The following CLCN7 variants were observed in gnomAD, a reference collection of about 807,000 sequenced individuals.
The protein encoded by CLCN7 is H(+)/Cl(-) exchange transporter 7.
In CLCN7, 60 loss-of-function variants were observed where a neutral mutation model predicts 102.1. The ratio of observed to expected loss-of-function variants is 0.59; its 90% confidence interval spans 0.48 to 0.73. The LOEUF (loss-of-function observed/expected upper bound fraction) is 0.73, where lower values mean the gene tolerates loss of function less well. CLCN7 is among the 30% of genes least tolerant of loss of function. The pLI, the probability that CLCN7 is intolerant of heterozygous loss-of-function variation, is 0.00. For synonymous variants in CLCN7, 560 were observed against 490.5 expected, an observed-to-expected ratio of 1.14 and a Z score of -1.87; for missense variants, 962 against 1,125.7, an observed-to-expected ratio of 0.85 and a Z score of 2.08.
intron 1 of CLCN7, among the ~76,000 whole-genome samples, chr16:1,470,962 C>T (rs1435554389): frequency 6.6e-6 from 1 of 152,236 alleles, no homozygotes; most frequent in Non-Finnish European, 1.5e-5. Flanking sequence ...GCTCCAGCCG[C>T]TTTCCCTCTC....
At chr16:1,466,983 C>T (rs1228799700) in intron 1 of CLCN7, among the ~76,000 whole-genome samples, 1 of 148,928 alleles carries the variant, frequency 6.7e-6, no homozygotes, top group Admixed American at 6.7e-5. Flanking sequence ...CACTGCCCTC[C>T]AGGGACCCCT....
intron 1 of CLCN7, among the ~76,000 whole-genome samples, chr16:1,472,938 G>GTT (rs71391167): frequency 3.2e-4 from 44 of 136,546 alleles, no homozygotes; most frequent in African/African-American, 8.9e-4. Context: ...GGCTAATTTT[G>GTT]TTTTTTTTTT....
At position 1,455,713 on chromosome 16, in the gene CLCN7, C is replaced by G; in HGVS notation, c.981+18G>C. The G allele has an allele frequency of 1.2e-6, 2 of 1,612,832 alleles. No homozygotes were observed. Among genetic ancestry groups the G allele is most frequent in the Non-Finnish European group, 1.7e-6 (2 of 1,179,154 alleles). On this transcript the variant is annotated intron_variant, in intron 11 of 24. Coordinates refer to ENST00000382745, the MANE Select transcript of CLCN7 (RefSeq NM_001287.6). ...AGCATGCACCCTGATCAGGAGGCAG[C>G]CATCAGCAGGAACTTACGATCCTCC...
In CLCN7 at chr16:1,461,656, G is replaced by T; in HGVS notation, c.232C>A (p.Pro78Thr). 6.2e-7 allele frequency: 1 copy of T among 1,614,090 alleles called. No homozygotes were observed. The highest frequency in any genetic ancestry group is 8.5e-7 in the Non-Finnish European group (1 of 1,180,000). Residue 78 changes from proline to threonine, a missense_variant, in exon 3 of 25, where the codon CCC becomes ACC. Coordinates refer to ENST00000382745, the MANE Select transcript of CLCN7 (RefSeq NM_001287.6). Reference protein sequence around the residue: ...LLDPDMDPPHPFPKEIPHNEK... With the variant: ...LLDPDMDPPHTFPKEIPHNEK... ...TTGTGTGGGATCTCCTTGGGGAAGG[G>T]ATGTGGAGGGTCCATATCCTGTGGC...
chr16:1,465,120 G>A (rs1355126433), intron 2 of CLCN7, 147 bp downstream of exon 2: 7 of 739,860 alleles, frequency 9.5e-6, no homozygotes, highest in Middle Eastern at 7.2e-4. Context: ...CTTGGCGTCA[G>A]GGACCATGTC....
At chr16:1,472,980 C>G (rs1483647894) in intron 1 of CLCN7, among the ~76,000 whole-genome samples, 2 of 150,734 alleles carry the variant, frequency 1.3e-5, no homozygotes, top group East Asian at 3.9e-4. Context: ...TTTGCCCAGG[C>G]TGGTCTTGAA....
Position 1,456,132 on chromosome 16 carries a change from C to T in CLCN7, c.897G>A (p.Ala299=), listed in dbSNP as rs149348869. ...CCTCACCCACGGGGGCTCCAAACGC[C>T]GCTGACACTCCGGCCGCAGCCCCTG... ...VSAGAAAGVS[A]AFGAPVGGVL... Residue 299 remains alanine (A), a synonymous_variant, in exon 10 of 25, where the codon GCG becomes GCA. Coordinates refer to ENST00000382745, the MANE Select transcript of CLCN7 (RefSeq NM_001287.6). 7.0e-6 allele frequency: 11 copies of T among 1,560,462 alleles called. No homozygotes were observed. Among genetic ancestry groups the T allele is most frequent in the African/African-American group, 6.8e-5 (5 of 73,612 alleles).
intron 1 of CLCN7, among the ~76,000 whole-genome samples, chr16:1,471,414 C>A (rs533106300): frequency 2.3e-4 from 35 of 152,274 alleles, no homozygotes; most frequent in African/African-American, 8.4e-4. Context: ...AGGCCTTGAA[C>A]CCAAGGGCAG....
At chr16:1,470,694 G>A (rs1290594862) in intron 1 of CLCN7, among the ~76,000 whole-genome samples, 1 of 152,148 alleles carries the variant, frequency 6.6e-6, no homozygotes, top group Non-Finnish European at 1.5e-5. Context: ...AAGAACCAAG[G>A]GGCACTTCCT....
At position 1,449,911 on chromosome 16, in the gene CLCN7, C is replaced by T. The variant is rs1447322960; in HGVS notation, c.1618-584G>A. ...AAACCCTTGTGCGGAGGGAGATGGGCAGAGCACACGGGCCTGGGGAGCAGG... is the reference window on the plus strand; with the variant it reads ...AAACCCTTGTGCGGAGGGAGATGGGTAGAGCACACGGGCCTGGGGAGCAGG... On this transcript the variant is annotated intron_variant, in intron 17 of 24. Transcript: ENST00000382745. 4.4e-5 allele frequency: 8 copies of T among 181,462 alleles called. No individual in the cohort carries two copies. In the South Asian group the frequency reaches 9.2e-4, roughly 21 times the overall value. The allele number at this position is 181,462 out of a possible 1,614,324, so 11.2% of individuals were successfully genotyped here. A position where few individuals can be genotyped will look rare whatever the true frequency, so the allele number is the denominator to read the frequency against.
intron 5 of CLCN7, 84 bp from the exon 6 acceptor site, chr16:1,460,611 G>A: frequency 7.6e-7 from 1 of 1,314,540 alleles, no homozygotes; most frequent in Non-Finnish European, 1.1e-6. Flanking sequence ...GACCAGCCTG[G>A]CAGATGCCAC....
Position 1,455,866 on chromosome 16 carries a change from C to G in CLCN7, c.917-71G>C, listed in dbSNP as rs79658155. ...CCATGCCCACCACCAACTCCCTCCC[C>G]CAGGCTCCAGGGAACCCAGACCACG... On this transcript the variant is annotated intron_variant, in intron 10 of 24. Coordinates refer to ENST00000382745, the MANE Select transcript of CLCN7 (RefSeq NM_001287.6). 0.01 allele frequency: 15,344 copies of G among 1,527,450 alleles called. 292 individuals carry two copies. Among genetic ancestry groups the G allele is most frequent in the East Asian group, 0.085 (3,790 of 44,408 alleles). The allele number at this position is 1,527,450 out of a possible 1,614,324, so 94.6% of individuals were successfully genotyped here.
chr16:1,450,862 G>A (rs1170229853), intron 16 of CLCN7, among the ~76,000 whole-genome samples, 196 bp from the exon 17 acceptor site: 2 of 125,422 alleles, frequency 1.6e-5, no homozygotes, highest in African/African-American at 3.1e-5. Flanking sequence ...GATCCCATGG[G>A]GAGGCCACAG....
At position 1,448,438 on chromosome 16, in the gene CLCN7, C is replaced by G; in HGVS notation, c.1930G>C (p.Val644Leu). Residue 644 changes from valine (V) to leucine (L), a missense_variant, in exon 21 of 25, where the codon GTC (valine) becomes CTC (leucine). Physicochemically the swap from Val to Leu is conservative, Grantham distance 32. This residue lies in a region of CLCN7 where 799 missense variants were observed against 988.0 expected (regional missense o/e 0.81). Coordinates refer to ENST00000382745, the MANE Select transcript of CLCN7 (RefSeq NM_001287.6). ...CTCAGCACGTCCACAATGACGCCGACCTTCTCACGCCGCCTCAGGCAGGTC... is the reference window on the plus strand; with the variant it reads ...CTCAGCACGTCCACAATGACGCCGAGCTTCTCACGCCGCCTCAGGCAGGTC... ...PVTCLRRREK[V>L]GVIVDVLSDT... 1 of 1,612,142 alleles carries G rather than the reference C, an allele frequency of 6.2e-7. No individual in the cohort carries two copies. The highest frequency in any genetic ancestry group is 8.5e-7 in the Non-Finnish European group (1 of 1,179,966).
chr16:1,448,469 T>G lies in CLCN7; in HGVS notation c.1899A>C (p.Thr633=), dbSNP rs775612917. Residue 633 remains threonine (T), a synonymous_variant, in exon 21 of 25, where the codon ACA becomes ACC. Coordinates refer to ENST00000382745, the MANE Select transcript of CLCN7 (RefSeq NM_001287.6). ...HSLTAREVMS[T]PVTCLRRREK... ...CACGCCGCCTCAGGCAGGTCACTGG[T>G]GTGCTCATCACCTCCCTGCCGGAGG... 6 of 1,610,546 alleles carry G rather than the reference T, an allele frequency of 3.7e-6. No individual in the cohort carries two copies. The African/African-American group carries it at 8.0e-5, about 21-fold the overall frequency.
intron 5 of CLCN7, 104 bp downstream of exon 5, chr16:1,460,712 G>A (rs911263127): frequency 5.1e-5 from 79 of 1,557,540 alleles, no homozygotes; most frequent in African/African-American, 4.1e-4. Flanking sequence ...TGGCCGGGCC[G>A]CCTCCACCTG....
At chr16:1,465,737 C>T (rs1301614362) in intron 1 of CLCN7, among the ~76,000 whole-genome samples, 1 of 152,260 alleles carries the variant, frequency 6.6e-6, no homozygotes, top group African/African-American at 2.4e-5. Flanking sequence ...CACCTGCCAC[C>T]TCCACAGAGT....
Position 1,451,722 on chromosome 16 carries a change from G to A in CLCN7, c.1354-6C>T. 6.2e-7 allele frequency: 1 copy of A among 1,611,066 alleles called. No individual in the cohort carries two copies. ...TCGCCATCTGCACAAAAGAGCTGTG[G>A]GGTCGGGAGAGAGCACACGTTGGGA... On this transcript the variant is annotated splice_polypyrimidine_tract_variant and splice_region_variant and intron_variant, in intron 15 of 24. Coordinates refer to ENST00000382745, the MANE Select transcript of CLCN7 (RefSeq NM_001287.6).
chr16:1,454,982 C>T lies in CLCN7; in HGVS notation c.1098+152G>A, dbSNP rs938441335. 2.9e-5 allele frequency: 19 copies of T among 654,492 alleles called. No individual in the cohort carries two copies. The African/African-American group carries it at 3.1e-4, about 11-fold the overall frequency. The allele number at this position is 654,492 out of a possible 1,614,324, so 40.5% of individuals were successfully genotyped here. On this transcript the variant is annotated intron_variant, in intron 12 of 24. Coordinates refer to ENST00000382745, the MANE Select transcript of CLCN7 (RefSeq NM_001287.6). ...GCAGCTTGGGGTGTCTTCCTGCAGCCCCTCGGGGCCCTGGAGCTTACACAA... is the reference window on the plus strand; with the variant it reads ...GCAGCTTGGGGTGTCTTCCTGCAGCTCCTCGGGGCCCTGGAGCTTACACAA...
Sources: allele counts gnomAD v4.1 joint callset (sites outside exome capture counted in the v4.1 genomes callset), GRCh38; gene constraint gnomAD v4.1.1; regional missense constraint gnomAD v4.1.1; transcripts MANE v1.5; gene names NCBI Gene and HGNC (gene_info 2026-07-23, HGNC 2026-07-21).